Variants in ORAI2 observed in about 807,000 individuals in gnomAD.
The protein encoded by ORAI2 is protein orai-2.
ORAI2 carries 10 observed loss-of-function variants against 16.2 expected under a neutral mutation model. The observed-to-expected ratio is 0.62, with a 90% CI of 0.38 to 1.04. ORAI2 has a LOEUF of 1.04. Ranked by LOEUF, ORAI2 falls within the 50% of genes least tolerant of loss-of-function variation. ORAI2 has a pLI of 0.01. For missense variants in ORAI2, 238 were observed against 355.5 expected (o/e 0.67, Z 2.66); for synonymous variants, 150 against 157.5 (o/e 0.95, Z 0.35).
chr7:102,439,228 G>A, intron 3 of ORAI2, 47 bp downstream of exon 3: 1 of 1,520,824 alleles, frequency 6.6e-7, no homozygotes, highest in Non-Finnish European at 9.1e-7. Context: ...GATGGGCTTT[G>A]CTAACTGAGG....
rs912945701 is a variant in ORAI2 at position 102,455,397 on chromosome 7, T to G, written c.*8345T>G. 1 of 152,084 alleles carries G rather than the reference T, an allele frequency of 6.6e-6. No individual in the cohort carries two copies. Among genetic ancestry groups the G allele is most frequent in the Non-Finnish European group, 1.5e-5 (1 of 68,038 alleles). The allele number at this position is 152,084 out of a possible 1,614,324, so 9.4% of individuals were successfully genotyped here. A position where few individuals can be genotyped will look rare whatever the true frequency, so the allele number is the denominator to read the frequency against. ...AGACCCAACTCTGGTATCACAAACT[T>G]AACAGGTAATGGAGTTTCCTAAAGT... is the stretch of plus-strand genomic sequence containing the variant. On this transcript the variant is annotated 3_prime_UTR_variant, in exon 4 of 4. Transcript: ENST00000495936.
chr7:102,442,050 C>T (rs1797219649), intron 3 of ORAI2, among the ~76,000 whole-genome samples: 1 of 152,092 alleles, frequency 6.6e-6, no homozygotes, highest in Non-Finnish European at 1.5e-5. Context: ...TATGCCTAAC[C>T]TGAAGCTTAG....
rs1013931088 is a variant in ORAI2 at position 102,433,789 on chromosome 7, C to T, written c.-123+128C>T. The T allele has an allele frequency of 6.6e-6, 1 of 152,024 alleles. No homozygotes were observed. Among genetic ancestry groups the T allele is most frequent in the African/African-American group, 2.4e-5 (1 of 41,420 alleles). 9.4% of individuals were successfully genotyped at this position (152,024 alleles called of 1,614,324 possible). On this transcript the variant is annotated intron_variant, in intron 1 of 3. Coordinates refer to ENST00000495936, the MANE Select transcript of ORAI2 (RefSeq NM_001126340.3). The surrounding 1 kb of genome is among the most constrained non-coding windows in gnomAD (Gnocchi z 4.6). The stretch of plus-strand genomic sequence containing the variant: ...AGGCTGCCCGGGCGCGGTCACTACC[C>T]ATCCGGGGTTGGTGACCTCCACCCC...
Position 102,446,830 on chromosome 7 carries a change from GC to G in ORAI2, c.545del (p.Pro182LeufsTer122). The part of the protein sequence containing the change: ...KFLPVDARRQ[P>X]GPPPGPGSHT... ...TCCTCCCCGTGGATGCCCGGCGCCA[GC>G]CTGGCCCCCCACCTGGCCCTGGGAG... is the stretch of plus-strand genomic sequence containing the variant. On this transcript the variant is annotated frameshift_variant, in exon 4 of 4. Transcript: ENST00000495936. LOFTEE classifies it high-confidence loss of function. The G allele has an allele frequency of 6.2e-7, 1 of 1,613,922 alleles. No individual in the cohort carries two copies. The highest frequency in any genetic ancestry group is 8.5e-7 in the Non-Finnish European group (1 of 1,180,014).
intron 3 of ORAI2, among the ~76,000 whole-genome samples, chr7:102,441,166 T>TA (rs1797188026): frequency 2.7e-5 from 4 of 150,864 alleles, no homozygotes; most frequent in Admixed American, 6.6e-5. Context: ...GTGCTGGGAT[T>TA]ACAGGCAGGA....
rs74472707 is a variant in ORAI2 at position 102,447,069 on chromosome 7, G to A, written c.*17G>A. 2,904 of 1,512,418 alleles carry A rather than the reference G, an allele frequency of 1.9e-3. 58 individuals carry two copies. In the African/African-American group the frequency reaches 0.036, roughly 19 times the overall value. 93.7% of individuals were successfully genotyped at this position (1,512,418 alleles called of 1,614,324 possible). ...GTCTTGTGAGGGGCCGAGGGCCGGG[G>A]CTGGGAGCGGCCCTGTGCCCGGGAG... On this transcript the variant is annotated 3_prime_UTR_variant, in exon 4 of 4. Coordinates refer to ENST00000495936, the MANE Select transcript of ORAI2 (RefSeq NM_001126340.3).
Position 102,450,481 on chromosome 7 carries a change from G to A in ORAI2, c.*3429G>A, listed in dbSNP as rs1193442607. 1.3e-5 allele frequency: 2 copies of A among 152,450 alleles called. No individual in the cohort carries two copies. Among genetic ancestry groups the A allele is most frequent in the South Asian group, 2.1e-4 (1 of 4,834 alleles). The allele number at this position is 152,450 out of a possible 1,614,324, so 9.4% of individuals were successfully genotyped here. A position where few individuals can be genotyped will look rare whatever the true frequency, so the allele number is the denominator to read the frequency against. The stretch of plus-strand genomic sequence containing the variant: ...CAGTGCCATCTGGGGGCCAGTTACT[G>A]TACCTGGTCCCCAGGCAGAGCTCTT... On this transcript the variant is annotated 3_prime_UTR_variant, in exon 4 of 4. Transcript: ENST00000495936.
chr7:102,445,774 C>T (rs529531399), intron 3 of ORAI2, among the ~76,000 whole-genome samples: 43 of 152,046 alleles, frequency 2.8e-4, no homozygotes, highest in African/African-American at 1.0e-3. Context: ...AACCATTGTA[C>T]CCAGCCAGTT....
Position 102,446,997 on chromosome 7 carries a change from T to C in ORAI2, c.710T>C (p.Leu237Pro). 1 of 1,584,972 alleles carries C rather than the reference T, an allele frequency of 6.3e-7. No individual in the cohort carries two copies. Among genetic ancestry groups the C allele is most frequent in the Non-Finnish European group, 8.6e-7 (1 of 1,168,412 alleles). ...CGCCACAACCGCGAGATCGAGGAGC[T>C]CCACAAGCTCAAGGTCCAGCTGGAC... ...TERHNREIEE[L>P]HKLKVQLDGH... The change falls in exon 4 of 4, where the codon CTC becomes CCC. Residue 237 changes from leucine (L) to proline (P), a missense_variant. Leu to Pro is a moderately conservative substitution (Grantham distance 98, BLOSUM62 -3). Transcript: ENST00000495936.
intron 3 of ORAI2, among the ~76,000 whole-genome samples, chr7:102,445,381 T>A (rs1797322470): frequency 6.6e-6 from 1 of 151,112 alleles, no homozygotes; most frequent in Non-Finnish European, 1.5e-5. Flanking sequence ...CTCCTGCCTC[T>A]GCCTCCCAAA....
chr7:102,445,776 C>T (rs1012101507), intron 3 of ORAI2, among the ~76,000 whole-genome samples: 1 of 152,000 alleles, frequency 6.6e-6, no homozygotes, highest in African/African-American at 2.4e-5. Context: ...CCATTGTACC[C>T]AGCCAGTTTT....
chr7:102,446,718 C>T lies in ORAI2; in HGVS notation c.431C>T (p.Pro144Leu), dbSNP rs1783124496. ...ISESPHERMH[P>L]YIELAWGFST... ...GAGTCCCCGCATGAGCGCATGCACCCCTACATCGAGCTGGCCTGGGGCTTC... is the reference window on the plus strand; with the variant it reads ...GAGTCCCCGCATGAGCGCATGCACCTCTACATCGAGCTGGCCTGGGGCTTC... Residue 144 changes from proline to leucine, a missense_variant, in exon 4 of 4, where the codon CCC becomes CTC. Physicochemically the swap from Pro to Leu is moderately conservative, Grantham distance 98. Around this residue, in one of 3 missense-constraint regions of ORAI2, gnomAD observed 176 missense variants for 265.9 expected, o/e 0.66. Coordinates refer to ENST00000495936, the MANE Select transcript of ORAI2 (RefSeq NM_001126340.3). 1 of 1,614,092 alleles carries T rather than the reference C, an allele frequency of 6.2e-7. No homozygotes were observed. The highest frequency in any genetic ancestry group is 1.3e-5 in the African/African-American group (1 of 74,942).
In ORAI2 at chr7:102,437,488, G is replaced by T. The variant is rs892390442; in HGVS notation, c.-14+1155G>T. Among the ~76,000 whole-genome samples, 11 of 152,064 alleles carry T rather than the reference G, an allele frequency of 7.2e-5. No homozygotes were observed. The South Asian group carries it at 1.9e-3, about 26-fold the overall frequency. ...AAATTAGCCAGGCATGGTGGCACATGCCTGTAATCCCAGCTACTCGGGAGG... is the reference window on the plus strand; with the variant it reads ...AAATTAGCCAGGCATGGTGGCACATTCCTGTAATCCCAGCTACTCGGGAGG... On this transcript the variant is annotated intron_variant, in intron 2 of 3. Transcript: ENST00000495936.
chr7:102,436,401 T>C, intron 2 of ORAI2, 68 bp downstream of exon 2: 3 of 937,780 alleles, frequency 3.2e-6, no homozygotes, highest in Non-Finnish European at 3.8e-6. Context: ...CAGGGAAGGC[T>C]GTGGCTTTGT....
chr7:102,439,098 C>G lies in ORAI2; in HGVS notation c.142C>G (p.Leu48Val), dbSNP rs752472055. The change falls in exon 3 of 4, where the codon CTG becomes GTG. Residue 48 changes from leucine (L) to valine (V), a missense_variant. Physicochemically the swap from Leu to Val is conservative, Grantham distance 32 (BLOSUM62 1). Coordinates refer to ENST00000495936, the MANE Select transcript of ORAI2 (RefSeq NM_001126340.3). ...CTCTAACCACCACTCGGTACAGGCC[C>G]TGTCGTGGCGGAAGCTCTACCTGAG... Reference protein sequence around the residue: ...VTSNHHSVQALSWRKLYLSRA... With the variant: ...VTSNHHSVQAVSWRKLYLSRA... The G allele has an allele frequency of 1.1e-5, 17 of 1,614,114 alleles. No homozygotes were observed. The highest frequency in any genetic ancestry group is 1.4e-5 in the Non-Finnish European group (16 of 1,180,050).
At chr7:102,444,918 C>T (rs555395193) in intron 3 of ORAI2, among the ~76,000 whole-genome samples, 85 of 152,158 alleles carry the variant, frequency 5.6e-4, no homozygotes, top group Admixed American at 1.9e-3. Context: ...CCACCCACCT[C>T]GGCCTCCCAA....
At position 102,454,733 on chromosome 7, in the gene ORAI2, A is replaced by G. The variant is rs1797604182; in HGVS notation, c.*7681A>G. 1 of 152,300 alleles carries G rather than the reference A, an allele frequency of 6.6e-6. No individual in the cohort carries two copies. Among genetic ancestry groups the G allele is most frequent in the Non-Finnish European group, 1.5e-5 (1 of 68,086 alleles). The allele number at this position is 152,300 out of a possible 1,614,324, so 9.4% of individuals were successfully genotyped here. The stretch of plus-strand genomic sequence containing the variant: ...GCGTGTCCCAGTCCCATGCCTCACC[A>G]TCCCCTTGCTTGAAGCTCCAAGAGC... On this transcript the variant is annotated 3_prime_UTR_variant, in exon 4 of 4. Coordinates refer to ENST00000495936, the MANE Select transcript of ORAI2 (RefSeq NM_001126340.3).
intron 2 of ORAI2, among the ~76,000 whole-genome samples, chr7:102,438,296 C>T (rs1276279471): frequency 6.6e-6 from 1 of 152,012 alleles, no homozygotes; most frequent in Non-Finnish European, 1.5e-5. Flanking sequence ...TGCACCACTG[C>T]ACTCCAGCCT....
In ORAI2 at chr7:102,453,544, C is replaced by T. The variant is rs1797577871; in HGVS notation, c.*6492C>T. The T allele has an allele frequency of 6.6e-6, 1 of 152,256 alleles. No individual in the cohort carries two copies. Among genetic ancestry groups the T allele is most frequent in the African/African-American group, 2.4e-5 (1 of 41,462 alleles). 9.4% of individuals were successfully genotyped at this position (152,256 alleles called of 1,614,324 possible). A position where few individuals can be genotyped will look rare whatever the true frequency, so the allele number is the denominator to read the frequency against. ...TGCCAATCCTGAGAAGCCAGGCTGC[C>T]CCTTGGGCTGGGCAGTGGCCTCAGT... On this transcript the variant is annotated 3_prime_UTR_variant, in exon 4 of 4. Transcript: ENST00000495936.
Sources: allele counts gnomAD v4.1 joint callset (sites outside exome capture counted in the v4.1 genomes callset), GRCh38; gene constraint gnomAD v4.1.1; regional missense constraint gnomAD v4.1.1; non-coding constraint Gnocchi (gnomAD v3.1); transcripts MANE v1.5; gene names NCBI Gene and HGNC (gene_info 2026-07-23, HGNC 2026-07-21).